The following GPR19 variants were observed in gnomAD, a reference collection of about 807,000 sequenced individuals.
GPR19 encodes probable G protein-coupled receptor 19.
Under a neutral mutation model 28.5 loss-of-function variants are expected in GPR19, and 14 were observed. That is an observed-to-expected ratio of 0.49 (90% CI 0.32 to 0.77). The LOEUF (loss-of-function observed/expected upper bound fraction) is 0.77, where lower values mean the gene tolerates loss of function less well. Ranked by LOEUF, GPR19 falls within the 30% of genes least tolerant of loss-of-function variation. The pLI is 0.03. For synonymous variants in GPR19, 173 were observed against 184.1 expected, an observed-to-expected ratio of 0.94 and a Z score of 0.49; for missense variants, 409 against 504.1, an observed-to-expected ratio of 0.81 and a Z score of 1.81.
intron 3 of GPR19, among the ~76,000 whole-genome samples, chr12:12,674,503 A>T (rs1945903366): frequency 6.6e-6 from 1 of 152,118 alleles, no homozygotes; most frequent in South Asian, 2.1e-4. Flanking sequence ...AGCCAACAAG[A>T]TTAGTTTATA....
chr12:12,707,407 C>A, the GPR19 span, among the ~76,000 whole-genome samples: 1 of 152,266 alleles, frequency 6.6e-6, no homozygotes, highest in Admixed American at 6.5e-5. Flanking sequence ...TGTTTCATGA[C>A]AGCAGGGACT....
upstream of GPR19, among the ~76,000 whole-genome samples, chr12:12,697,653 A>G (rs537400319): frequency 6.6e-6 from 1 of 152,372 alleles, no homozygotes; most frequent in African/African-American, 2.4e-5. Context: ...TATGAAATTA[A>G]GCAGAGAATA....
the GPR19 span, among the ~76,000 whole-genome samples, chr12:12,712,758 C>A: frequency 6.6e-6 from 1 of 152,112 alleles, no homozygotes; most frequent in African/African-American, 2.4e-5. Flanking sequence ...GCAGCCTCGA[C>A]CTGGGCTCAA....
At chr12:12,711,734 T>C in the GPR19 span, among the ~76,000 whole-genome samples, 1 of 152,206 alleles carries the variant, frequency 6.6e-6, no homozygotes, top group Non-Finnish European at 1.5e-5. Flanking sequence ...TAGTCTCTCC[T>C]ACATTCTCCT....
intron 3 of GPR19, among the ~76,000 whole-genome samples, chr12:12,672,781 A>G (rs1234964193): frequency 6.6e-6 from 1 of 152,108 alleles, no homozygotes; most frequent in Non-Finnish European, 1.5e-5. Context: ...CTAAGAAATG[A>G]CCATTTTGTT....
In GPR19 at chr12:12,661,644, G is replaced by A. The variant is rs751796319; in HGVS notation, c.805C>T (p.Arg269Trp). Residue 269 changes from arginine (R) to tryptophan (W), a missense_variant, in exon 4 of 4, where the codon CGG becomes TGG. By Grantham distance (101) the Arg-to-Trp change is moderately radical. Coordinates refer to ENST00000651487, the MANE Select transcript of GPR19 (RefSeq NM_006143.3). The surrounding 1 kb of genome is among the most constrained non-coding windows in gnomAD (Gnocchi z 4.2). ...ATCTTGATAGTTTTCACTTTTGTCCGAGGGACAATGTTCATTGTCCTCCTC... is the reference window on the plus strand; with the variant it reads ...ATCTTGATAGTTTTCACTTTTGTCCAAGGGACAATGTTCATTGTCCTCCTC... The part of the protein sequence containing the change: ...TVRRTMNIVP[R>W]TKVKTIKMFL... 9 of 1,613,410 alleles carry A rather than the reference G, an allele frequency of 5.6e-6. No homozygotes were observed. The highest frequency in any genetic ancestry group is 2.7e-5 in the African/African-American group (2 of 74,884).
At chr12:12,707,509 A>G in the GPR19 span, among the ~76,000 whole-genome samples, 1 of 152,246 alleles carries the variant, frequency 6.6e-6, no homozygotes, top group East Asian at 1.9e-4. Context: ...ATGAACAAAT[A>G]TTAATGTGGA....
At position 12,661,809 on chromosome 12, in the gene GPR19, G is replaced by A; in HGVS notation, c.640C>T (p.Leu214Phe). 1 of 1,614,108 alleles carries A rather than the reference G, an allele frequency of 6.2e-7. No individual in the cohort carries two copies. Among genetic ancestry groups the A allele is most frequent in the Non-Finnish European group, 8.5e-7 (1 of 1,180,018 alleles). Reference protein sequence around the residue: ...SNWDSHCNYFLPSSWEGTAYT... With the variant: ...SNWDSHCNYFFPSSWEGTAYT... Reference sequence around the variant, plus strand: ...GCAGTGCCTTCCCAAGAGGAGGGGAGGAAATAGTTACAATGACTGTCCCAG... The same window carrying A: ...GCAGTGCCTTCCCAAGAGGAGGGGAAGAAATAGTTACAATGACTGTCCCAG... Residue 214 changes from leucine (L) to phenylalanine (F), a missense_variant, in exon 4 of 4, where the codon CTC becomes TTC. By Grantham distance (22) the Leu-to-Phe change is conservative. Coordinates refer to ENST00000651487, the MANE Select transcript of GPR19 (RefSeq NM_006143.3). This position sits in a 1 kb window ranked among gnomAD's most constrained non-coding sequence, Gnocchi z 4.2.
At chr12:12,710,673 A>T in the GPR19 span, among the ~76,000 whole-genome samples, 1 of 152,100 alleles carries the variant, frequency 6.6e-6, no homozygotes, top group Non-Finnish European at 1.5e-5. Context: ...AGTAGCTGGG[A>T]CTACAAGTGC....
chr12:12,700,775 G>A (rs894461859), upstream of GPR19, among the ~76,000 whole-genome samples: 1 of 152,134 alleles, frequency 6.6e-6, no homozygotes, highest in Non-Finnish European at 1.5e-5. Flanking sequence ...ATTGAGAAGG[G>A]CTGTTAAGTA....
At chr12:12,692,521 C>T (rs1566165638) in intron 2 of GPR19, among the ~76,000 whole-genome samples, 1 of 152,112 alleles carries the variant, frequency 6.6e-6, no homozygotes, top group Non-Finnish European at 1.5e-5. Flanking sequence ...GCGTGAGCTA[C>T]TGCGCCTGAC....
In GPR19 at chr12:12,689,267, G is replaced by A. The variant is rs117787978; in HGVS notation, c.-179-4760C>T. Among the ~76,000 whole-genome samples, 102 of 152,188 alleles carry A rather than the reference G, an allele frequency of 6.7e-4. 1 individual carries two copies. The East Asian group carries it at 0.017, about 25-fold the overall frequency. ...CCCACCAGGCCCCACGTCCAATACCGGGTATTACAATTCAACATGATATTT... is the reference window on the plus strand; with the variant it reads ...CCCACCAGGCCCCACGTCCAATACCAGGTATTACAATTCAACATGATATTT... On this transcript the variant is annotated intron_variant, in intron 2 of 3. Coordinates refer to ENST00000651487, the MANE Select transcript of GPR19 (RefSeq NM_006143.3).
chr12:12,694,721 C>A (rs1946237512), intron 2 of GPR19, among the ~76,000 whole-genome samples: 1 of 151,912 alleles, frequency 6.6e-6, no homozygotes. Flanking sequence ...ACTGGCAGAC[C>A]CTAAAGTCAA....
intron 3 of GPR19, among the ~76,000 whole-genome samples, chr12:12,682,355 C>T (rs913637732): frequency 6.6e-6 from 1 of 152,216 alleles, no homozygotes; most frequent in Non-Finnish European, 1.5e-5. Flanking sequence ...CAAGTTCTTA[C>T]TACACATGTG....
the GPR19 span, among the ~76,000 whole-genome samples, chr12:12,714,632 T>C: frequency 1.3e-5 from 2 of 152,158 alleles, no homozygotes; most frequent in African/African-American, 4.8e-5. Flanking sequence ...CAGTGCAGTG[T>C]AGAGCTTTCC....
the GPR19 span, chr12:12,717,114 T>C: frequency 2.7e-5 from 27 of 1,012,698 alleles, no homozygotes; most frequent in African/African-American, 3.9e-4. Context: ...GCTAGTTTGT[T>C]TGTCTTAATT....
chr12:12,680,572 T>C (rs1317243728), intron 3 of GPR19, among the ~76,000 whole-genome samples: 1 of 152,148 alleles, frequency 6.6e-6, no homozygotes, highest in East Asian at 1.9e-4. Context: ...AGTGGAGTGA[T>C]CACCGCTCAC....
At chr12:12,675,268 C>T (rs1206566064) in intron 3 of GPR19, among the ~76,000 whole-genome samples, 1 of 152,078 alleles carries the variant, frequency 6.6e-6, no homozygotes, top group African/African-American at 2.4e-5. Flanking sequence ...CCGAGAGGAA[C>T]AAAGTATCCC....
chr12:12,661,807 G>A lies in GPR19; in HGVS notation c.642C>T (p.Leu214=), dbSNP rs142794449. The change falls in exon 4 of 4, where the codon CTC becomes CTT. Residue 214 remains leucine, a synonymous_variant. Transcript: ENST00000651487. This position sits in a 1 kb window ranked among gnomAD's most constrained non-coding sequence, Gnocchi z 4.2. ...SNWDSHCNYF[L]PSSWEGTAYT... ...AGGCAGTGCCTTCCCAAGAGGAGGG[G>A]AGGAAATAGTTACAATGACTGTCCC... 8.7e-5 allele frequency: 141 copies of A among 1,614,102 alleles called. 1 individual carries two copies. The African/African-American group carries it at 1.7e-3, about 19-fold the overall frequency.
Sources: gnomAD v4.1 joint callset for allele counts (sites outside exome capture counted in the v4.1 genomes callset) on GRCh38, gnomAD v4.1.1 for gene constraint, Gnocchi (gnomAD v3.1) non-coding constraint, MANE v1.5 for transcripts, NCBI Gene and HGNC (gene_info 2026-07-23, HGNC 2026-07-21) for gene names.